Variants in TP63 observed in about 807,000 individuals in gnomAD.
TP63 encodes tumor protein p63, also known as tumor protein 63.
In TP63, 17 loss-of-function variants were observed where a neutral mutation model predicts 82.8. The ratio of observed to expected loss-of-function variants is 0.21; its 90% CI spans 0.14 to 0.31. The LOEUF (loss-of-function observed/expected upper bound fraction) is 0.31, where lower values mean the gene tolerates loss of function less well. Ranked by LOEUF, TP63 falls within the 10% of genes least tolerant of loss-of-function variation. The pLI, the probability that TP63 is intolerant of heterozygous loss-of-function variation, is 1.00. For synonymous variants in TP63, 330 were observed against 321.7 expected (o/e 1.03, Z -0.28); for missense variants, 648 against 895.3 (o/e 0.72, Z 3.52).
intron 4 of TP63, among the ~76,000 whole-genome samples, chr3:189,810,759 G>A (rs896224310): frequency 1.3e-5 from 2 of 149,890 alleles, no homozygotes; most frequent in Non-Finnish European, 3.0e-5. Context: ...GGGAGACTGA[G>A]AAAGGAGAAT....
chr3:189,626,397 C>G (rs1729320918), upstream of TP63, among the ~76,000 whole-genome samples: 5 of 152,320 alleles, frequency 3.3e-5, no homozygotes, highest in South Asian at 1.0e-3. Flanking sequence ...CTTTCCTGCT[C>G]TCCTCACTAT....
rs780299731 is a variant in TP63 at position 189,651,391 on chromosome 3, C to T, written c.62+19814C>T. On this transcript the variant is annotated intron_variant, in intron 1 of 13. Coordinates refer to ENST00000264731, the MANE Select transcript of TP63 (RefSeq NM_003722.5). ...TGAAATCCAATCTCTTCTAAAAATA[C>T]GAAAATTAGCTGGGCATGGTGGCAG... 8.9e-5 allele frequency among the ~76,000 whole-genome samples: 13 copies of T among 145,700 alleles called. 3 individuals carry two copies. The highest frequency in any genetic ancestry group is 1.8e-4 in the African/African-American group (7 of 38,610).
In TP63 at chr3:189,868,691, A is replaced by G. The variant is rs769158254; in HGVS notation, c.1104A>G (p.Thr368=). 1.2e-6 allele frequency: 2 copies of G among 1,614,086 alleles called. No homozygotes were observed. The highest frequency in any genetic ancestry group is 1.7e-5 in the Admixed American group (1 of 60,012). The stretch of plus-strand genomic sequence containing the variant: ...GAAAGCAGCAAGTTTCGGACAGTAC[A>G]AAGAACGGTGATGGTACGAAGCGCC... ...SIRKQQVSDS[T]KNGDGTKRPF... is the part of the protein sequence containing the mutation. The change falls in exon 8 of 14, where the codon ACA becomes ACG. Residue 368 remains threonine (T), a synonymous_variant. Coordinates refer to ENST00000264731, the MANE Select transcript of TP63 (RefSeq NM_003722.5).
In TP63 at chr3:189,890,838, C is replaced by G. The variant is rs1720944639; in HGVS notation, c.1702C>G (p.Gln568Glu). ...ATCATGTCTGGACTATTTCACGACC[C>G]AGGGGCTGACCACCATCTATCAGAT... is the stretch of plus-strand genomic sequence containing the variant. ...CSSCLDYFTT[Q>E]GLTTIYQIEH... The change falls in exon 13 of 14, where the codon CAG becomes GAG. Residue 568 changes from glutamine (Q) to glutamate (E), a missense_variant. Physicochemically the swap from Gln to Glu is conservative, Grantham distance 29. Transcript: ENST00000264731. 6.2e-7 allele frequency: 1 copy of G among 1,614,074 alleles called. No homozygotes were observed. Among genetic ancestry groups the G allele is most frequent in the African/African-American group, 1.3e-5 (1 of 75,032 alleles).
At chr3:189,887,765 C>T (rs998164120) in intron 11 of TP63, among the ~76,000 whole-genome samples, 5 of 151,906 alleles carry the variant, frequency 3.3e-5, no homozygotes, top group African/African-American at 4.8e-5. Flanking sequence ...AACCTCTAAA[C>T]GAGCATTTCA....
intron 3 of TP63, among the ~76,000 whole-genome samples, chr3:189,747,232 A>G (rs978576257): frequency 2.0e-5 from 3 of 152,122 alleles, no homozygotes; most frequent in Non-Finnish European, 2.9e-5. Context: ...TTTGAACTGC[A>G]CATTAGACCA....
chr3:189,668,905 A>G (rs1167638302), intron 1 of TP63, among the ~76,000 whole-genome samples: 1 of 152,052 alleles, frequency 6.6e-6, no homozygotes, highest in Non-Finnish European at 1.5e-5. Context: ...TTCATGAAAA[A>G]CATTTATTTA....
chr3:189,720,766 CT>C (rs1719329505), intron 1 of TP63, among the ~76,000 whole-genome samples: 1 of 145,778 alleles, frequency 6.9e-6, no homozygotes, highest in Non-Finnish European at 1.5e-5. Context: ...AAGAAGAAGA[CT>C]GGAGGCTGGC....
intron 10 of TP63, chr3:189,880,478 G>C (rs1293934931): frequency 1.9e-6 from 2 of 1,037,674 alleles, no homozygotes; most frequent in Non-Finnish European, 2.3e-6. Context: ...GGAGGGAGGG[G>C]TCAGGTGGGG....
At chr3:189,836,131 C>T (rs1713118049) in intron 4 of TP63, among the ~76,000 whole-genome samples, 1 of 151,860 alleles carries the variant, frequency 6.6e-6, no homozygotes, top group Admixed American at 6.6e-5. Flanking sequence ...TGGGTTTTGT[C>T]CATATTCCAC....
intron 3 of TP63, among the ~76,000 whole-genome samples, chr3:189,776,533 T>G (rs569938531): frequency 1.3e-5 from 2 of 152,330 alleles, no homozygotes; most frequent in East Asian, 3.9e-4. Context: ...AATGGATCTT[T>G]ATGTTTGAAT....
At chr3:189,858,946 G>A (rs1452250039) in intron 4 of TP63, among the ~76,000 whole-genome samples, 2 of 152,132 alleles carry the variant, frequency 1.3e-5, no homozygotes, top group Non-Finnish European at 1.5e-5. Context: ...TAGAATAGGG[G>A]TTACCAGAGG....
chr3:189,682,573 T>A (rs201657106), intron 1 of TP63, among the ~76,000 whole-genome samples: 36 of 27,250 alleles, frequency 1.3e-3, no homozygotes, highest in African/African-American at 3.9e-3. Context: ...TATATATATA[T>A]ATATATATAT....
chr3:189,657,494 A>G (rs1045714067), intron 1 of TP63, among the ~76,000 whole-genome samples: 2 of 152,136 alleles, frequency 1.3e-5, no homozygotes, highest in South Asian at 4.1e-4. Context: ...CTATAAAATG[A>G]AGACAAAAGA....
chr3:189,853,419 G>A (rs953873470), intron 4 of TP63, among the ~76,000 whole-genome samples: 13 of 152,098 alleles, frequency 8.5e-5, no homozygotes, highest in African/African-American at 2.9e-4. Context: ...TTACTTTTCT[G>A]CAGGTGCACT....
chr3:189,886,615 T>G, intron 11 of TP63, 64 bp downstream of exon 11: 1 of 1,602,278 alleles, frequency 6.2e-7, no homozygotes, highest in Non-Finnish European at 8.5e-7. Context: ...CAAGACTCTG[T>G]GATGGGGAAG....
Position 189,759,794 on chromosome 3 carries a change from C to T in TP63, c.324+21020C>T, listed in dbSNP as rs531420009. Among the ~76,000 whole-genome samples the T allele has an allele frequency of 1.6e-3, 246 of 152,266 alleles. 4 individuals are homozygous for T. Among genetic ancestry groups the T allele is most frequent in the Non-Finnish European group, 6.6e-4 (45 of 68,024 alleles). ...AGAGAGAGTAGCTGTTGTATTACTCCATTTTCATGCTGCTGATAAAGACAT... is the reference window on the plus strand; with the variant it reads ...AGAGAGAGTAGCTGTTGTATTACTCTATTTTCATGCTGCTGATAAAGACAT... On this transcript the variant is annotated intron_variant, in intron 3 of 13. Transcript: ENST00000264731.
chr3:189,890,704 T>C (rs1244291081), intron 12 of TP63, 85 bp from the exon 13 acceptor site: 17 of 1,290,900 alleles, frequency 1.3e-5, no homozygotes, highest in Non-Finnish European at 1.9e-5. Flanking sequence ...GCAAAATATA[T>C]TGGGTTTTCC....
intron 4 of TP63, among the ~76,000 whole-genome samples, chr3:189,842,645 A>C (rs550088040): frequency 5.3e-5 from 8 of 152,314 alleles, no homozygotes; most frequent in Non-Finnish European, 7.4e-5. Context: ...GCCTTTAATC[A>C]GCACTGAGAA....
Sources: gnomAD v4.1 joint callset for allele counts (sites outside exome capture counted in the v4.1 genomes callset) on GRCh38, gnomAD v4.1.1 for gene constraint, MANE v1.5 for transcripts, NCBI Gene and HGNC (gene_info 2026-07-23, HGNC 2026-07-21) for gene names.